MAP3K10: variants seen among roughly 807,000 people sequenced by gnomAD.
MAP3K10 encodes the protein MKN28 derived nonreceptor_type serine/threonine kinase.
Under a neutral mutation model 75.0 loss-of-function variants are expected in MAP3K10, and 22 were observed. That is an observed-to-expected ratio of 0.29 (90% CI 0.21 to 0.42). The LOEUF is 0.42. Among genes scored for constraint, MAP3K10 ranks in the 10% least tolerant of loss-of-function variants. The pLI, the probability that MAP3K10 is intolerant of heterozygous loss-of-function variation, is 1.00. For synonymous variants in MAP3K10, 599 were observed against 612.9 expected (o/e 0.98, Z 0.34); for missense variants, 1,165 against 1,379.8 (o/e 0.84, Z 2.47).
In MAP3K10 at chr19:40,213,330, G is replaced by T; in HGVS notation, c.1837+142G>T. The stretch of plus-strand genomic sequence containing the variant: ...GAAGGGAGATGGTGGCCCCTGGGGC[G>T]TGGGGGGTCATTTCCAGGGGCAGGG... On this transcript the variant is annotated intron_variant, in intron 8 of 9. Transcript: ENST00000253055. This position sits in a 1 kb window ranked among gnomAD's most constrained non-coding sequence, Gnocchi z 5.7. The T allele has an allele frequency of 1.4e-6, 2 of 1,450,372 alleles. No homozygotes were observed. Among genetic ancestry groups the T allele is most frequent in the South Asian group, 2.9e-5 (2 of 69,418 alleles). The allele number at this position is 1,450,372 out of a possible 1,614,324, so 89.8% of individuals were successfully genotyped here.
chr19:40,196,142 G>T (rs1972901407), intron 1 of MAP3K10, among the ~76,000 whole-genome samples: 1 of 152,074 alleles, frequency 6.6e-6, no homozygotes, highest in Non-Finnish European at 1.5e-5. Flanking sequence ...ACTGTACAGG[G>T]TTATGCACCT....
Position 40,205,308 on chromosome 19 carries a change from G to T in MAP3K10, c.1188+12G>T. The stretch of plus-strand genomic sequence containing the variant: ...GGACCAAGGAGAAGGTGAAGGCAGG[G>T]GGCAAGGTGGGAAAGATGGAGCAAG... On this transcript the variant is annotated intron_variant, in intron 4 of 9. Coordinates refer to ENST00000253055, the MANE Select transcript of MAP3K10 (RefSeq NM_002446.4). This position sits in a 1 kb window ranked among gnomAD's most constrained non-coding sequence, Gnocchi z 4.3. The T allele has an allele frequency of 6.2e-7, 1 of 1,613,624 alleles. No individual in the cohort carries two copies. Among genetic ancestry groups the T allele is most frequent in the Non-Finnish European group, 8.5e-7 (1 of 1,179,856 alleles).
At chr19:40,196,738 C>T (rs1419751594) in intron 1 of MAP3K10, among the ~76,000 whole-genome samples, 1 of 152,102 alleles carries the variant, frequency 6.6e-6, no homozygotes, top group Non-Finnish European at 1.5e-5. Flanking sequence ...AGGCTGGTCT[C>T]GGTCTCCTGA....
rs1265617793 is a variant in MAP3K10, at chr19:40,213,003, C to T, written c.1724+27C>T. ...TGAGGTGTGGTGTGGTCATGCCCAC[C>T]CTGTGCCCAAGCCCCAGCTCCCAGG... is the stretch of plus-strand genomic sequence containing the variant. On this transcript the variant is annotated intron_variant, in intron 7 of 9. Transcript: ENST00000253055. This position sits in a 1 kb window ranked among gnomAD's most constrained non-coding sequence, Gnocchi z 5.7. 1 of 1,591,980 alleles carries T rather than the reference C, an allele frequency of 6.3e-7. No individual in the cohort carries two copies. The highest frequency in any genetic ancestry group is 1.3e-5 in the African/African-American group (1 of 74,752).
intron 5 of MAP3K10, among the ~76,000 whole-genome samples, chr19:40,208,541 A>G (rs1973178179): frequency 6.7e-6 from 1 of 150,236 alleles, no homozygotes; most frequent in African/African-American, 2.4e-5. Flanking sequence ...GGTAATTACA[A>G]TAAAATAAAG....
rs1973088199 is a variant in MAP3K10 at position 40,204,886 on chromosome 19, T to G, written c.1013-235T>G. The stretch of plus-strand genomic sequence containing the variant: ...CCTTGGCCCTGGGATTCCACCTTGA[T>G]CCTGATTCCACTACCAGCCCCTCCT... On this transcript the variant is annotated intron_variant, in intron 3 of 9. Coordinates refer to ENST00000253055, the MANE Select transcript of MAP3K10 (RefSeq NM_002446.4). The surrounding 1 kb of genome is among the most constrained non-coding windows in gnomAD (Gnocchi z 4.3). The G allele has an allele frequency of 1.6e-6, 1 of 620,274 alleles. No homozygotes were observed. Among genetic ancestry groups the G allele is most frequent in the Non-Finnish European group, 2.8e-6 (1 of 357,170 alleles). The allele number at this position is 620,274 out of a possible 1,614,324, so 38.4% of individuals were successfully genotyped here.
In MAP3K10 at chr19:40,192,864, GGCCTTGCCTGCCTT is replaced by G. The variant is rs1972845354; in HGVS notation, c.682+152_682+165del. ...ATACCTTCAGGGTGAAGGTGAGGTAGGCCTTGCCTGCCTTAAGGGAGAAAAAGGAGGCTCAGAAA... is the reference window on the plus strand; with the variant it reads ...ATACCTTCAGGGTGAAGGTGAGGTAGAAGGGAGAAAAAGGAGGCTCAGAAA... On this transcript the variant is annotated intron_variant, in intron 1 of 9. Coordinates refer to ENST00000253055, the MANE Select transcript of MAP3K10 (RefSeq NM_002446.4). This position sits in a 1 kb window ranked among gnomAD's most constrained non-coding sequence, Gnocchi z 7.1. 9 of 653,726 alleles carry G rather than the reference GGCCTTGCCTGCCTT, an allele frequency of 1.4e-5. 1 individual carries two copies. In the South Asian group the frequency reaches 2.2e-4, roughly 16 times the overall value. 40.5% of individuals were successfully genotyped at this position (653,726 alleles called of 1,614,324 possible). A position where few individuals can be genotyped will look rare whatever the true frequency, so the allele number is the denominator to read the frequency against.
rs376121895 is a variant in MAP3K10 at position 40,205,144 on chromosome 19, G to A, written c.1036G>A (p.Gly346Arg). The change falls in exon 4 of 10, where the codon GGG becomes AGG. Residue 346 changes from glycine (G) to arginine (R), a missense_variant. This residue lies in a region of MAP3K10 where 575 missense variants were observed against 793.2 expected (regional missense o/e 0.72). Transcript: ENST00000253055. This position sits in a 1 kb window ranked among gnomAD's most constrained non-coding sequence, Gnocchi z 4.3. ...AGAATGCTGGGACCCAGACCCCCAC[G>A]GGCGGCCAGATTTCGGTAGCATCTT... ...LEECWDPDPH[G>R]RPDFGSILKR... is the part of the protein sequence containing the mutation. 1.9e-5 allele frequency: 30 copies of A among 1,613,270 alleles called. No homozygotes were observed. The highest frequency in any genetic ancestry group is 6.6e-5 in the South Asian group (6 of 91,050).
chr19:40,200,096 C>G (rs1972989077), intron 2 of MAP3K10, among the ~76,000 whole-genome samples: 1 of 152,086 alleles, frequency 6.6e-6, no homozygotes, highest in Admixed American at 6.6e-5. Flanking sequence ...GGAGTTCATT[C>G]AGGACTAGCC....
chr19:40,215,289 C>G lies in MAP3K10; in HGVS notation c.2862C>G (p.His954Gln). Residue 954 changes from histidine (H) to glutamine (Q), a missense_variant, in exon 10 of 10, where the codon CAC (histidine) becomes CAG (glutamine). Around this residue, in one of 2 missense-constraint regions of MAP3K10, gnomAD observed 590 missense variants for 586.6 expected, o/e 1.01. Transcript: ENST00000253055. ...CCCTGTGCGGGGCCCACGGCTCCCACTAAGGCCTGCCCACCACCGCCCGCC... is the reference window on the plus strand; with the variant it reads ...CCCTGTGCGGGGCCCACGGCTCCCAGTAAGGCCTGCCCACCACCGCCCGCC... ...TVPLCGAHGS[H>Q] The G allele has an allele frequency of 6.5e-7, 1 of 1,542,042 alleles. No homozygotes were observed. Among genetic ancestry groups the G allele is most frequent in the East Asian group, 2.5e-5 (1 of 40,630 alleles).
chr19:40,204,652 A>G lies in MAP3K10; in HGVS notation c.1012+19A>G, dbSNP rs777701154. 9 of 1,608,480 alleles carry G rather than the reference A, an allele frequency of 5.6e-6. No individual in the cohort carries two copies. Among genetic ancestry groups the G allele is most frequent in the Non-Finnish European group, 7.6e-6 (9 of 1,177,012 alleles). ...CTGGAGGGTGAGCCGGGGCCCCGTG[A>G]CGAGGGTAGGCTCAGCTTGGAGTGG... On this transcript the variant is annotated intron_variant, in intron 3 of 9. Transcript: ENST00000253055. This position sits in a 1 kb window ranked among gnomAD's most constrained non-coding sequence, Gnocchi z 4.3.
chr19:40,204,413 A>AGTG lies in MAP3K10; in HGVS notation c.864-72_864-71insGTG, dbSNP rs1442349083. 1.3e-6 allele frequency: 2 copies of AGTG among 1,535,074 alleles called. No homozygotes were observed. Among genetic ancestry groups the AGTG allele is most frequent in the African/African-American group, 2.7e-5 (2 of 73,628 alleles). On this transcript the variant is annotated intron_variant, in intron 2 of 9. Transcript: ENST00000253055. This position sits in a 1 kb window ranked among gnomAD's most constrained non-coding sequence, Gnocchi z 4.3. ...GGTGAGGGCAGCCCTGCATGGGACC[A>AGTG]AGGGCAGGGCTGGGTATAGGTGAGG...
intron 9 of MAP3K10, 102 bp downstream of exon 9, chr19:40,214,323 C>T (rs1973309185): frequency 1.6e-6 from 2 of 1,280,828 alleles, no homozygotes; most frequent in Admixed American, 3.8e-5. Context: ...GCAGCCACCT[C>T]CTGCTTCTTG....
At chr19:40,201,675 G>A (rs1252827484) in intron 2 of MAP3K10, among the ~76,000 whole-genome samples, 1 of 151,548 alleles carries the variant, frequency 6.6e-6, no homozygotes, top group African/African-American at 2.4e-5. Context: ...TAGAGACGAG[G>A]TCTCACTTTG....
At chr19:40,208,364 T>TTTTTTTTTTTTA (rs1568492184) in intron 5 of MAP3K10, among the ~76,000 whole-genome samples, 6 of 84,954 alleles carry the variant, frequency 7.1e-5, no homozygotes, top group South Asian at 6.9e-4. Flanking sequence ...TTTTTTTTTT[T>TTTTTTTTTTTTA]TTTTTGTATT....
At chr19:40,209,635 G>A (rs1179451072) in intron 6 of MAP3K10, among the ~76,000 whole-genome samples, 8 of 151,730 alleles carry the variant, frequency 5.3e-5, no homozygotes, top group Admixed American at 2.6e-4. Context: ...GGCTGGTATC[G>A]AACTCCTGAC....
intron 1 of MAP3K10, among the ~76,000 whole-genome samples, chr19:40,195,638 C>T (rs1310605131): frequency 2.0e-5 from 3 of 151,870 alleles, no homozygotes; most frequent in South Asian, 2.1e-4. Flanking sequence ...GGGCTACAGG[C>T]GTGCGCCACC....
rs1302137391 is a variant in MAP3K10 at position 40,191,936 on chromosome 19, A to T, written c.-96A>T. On this transcript the variant is annotated 5_prime_UTR_variant, in exon 1 of 10. Transcript: ENST00000253055. ...CCCTCAGGAGCTCCCTAGACCCCGC[A>T]GGGACTGCCCTCCATCCCGGCCGCC... The T allele has an allele frequency of 1.3e-6, 1 of 785,416 alleles. No individual in the cohort carries two copies. Among genetic ancestry groups the T allele is most frequent in the Non-Finnish European group, 1.9e-6 (1 of 533,096 alleles). 48.7% of individuals were successfully genotyped at this position (785,416 alleles called of 1,614,324 possible).
intron 9 of MAP3K10, 45 bp downstream of exon 9, chr19:40,214,266 T>C: frequency 1.5e-6 from 2 of 1,360,952 alleles, no homozygotes; most frequent in Non-Finnish European, 1.9e-6. Flanking sequence ...ACCCCTTCTT[T>C]CCTCCTCTGC....
Sources: allele counts gnomAD v4.1 joint callset (sites outside exome capture counted in the v4.1 genomes callset), GRCh38; gene constraint gnomAD v4.1.1; regional missense constraint gnomAD v4.1.1; non-coding constraint Gnocchi (gnomAD v3.1); transcripts MANE v1.5; gene names NCBI Gene and HGNC (gene_info 2026-07-23, HGNC 2026-07-21).